The following GNG7 variants were observed in gnomAD, a reference collection of about 807,000 sequenced individuals.
The protein encoded by GNG7 is G protein subunit gamma 7.
GNG7 carries 1 observed loss-of-function variant against 4.0 expected under a neutral mutation model. That is an observed-to-expected ratio of 0.25 (90% CI 0.09 to 1.18). GNG7 has a LOEUF of 1.18. Among genes scored for constraint, GNG7 ranks in the 50% most tolerant of loss-of-function variants. GNG7 has a pLI of 0.50. For synonymous variants in GNG7, 34 were observed against 36.9 expected (o/e 0.92, Z 0.29); for missense variants, 86 against 91.9 (o/e 0.94, Z 0.26).
At chr19:2,639,788 A>G (rs1212473650) in intron 2 of GNG7, among the ~76,000 whole-genome samples, 1 of 1,314 alleles carries the variant, frequency 7.6e-4, no homozygotes, top group Non-Finnish European at 1.3e-3. Flanking sequence ...AAGGGAGGGA[A>G]GGAGAGGGTA....
chr19:2,570,503 C>T (rs1200526984), intron 2 of GNG7, among the ~76,000 whole-genome samples: 1 of 152,154 alleles, frequency 6.6e-6, no homozygotes, highest in African/African-American at 2.4e-5. Flanking sequence ...GAAGTGGCAT[C>T]TGCAAACCTC....
At chr19:2,658,093 C>A (rs1190678662) in intron 1 of GNG7, among the ~76,000 whole-genome samples, 2 of 152,054 alleles carry the variant, frequency 1.3e-5, no homozygotes, top group African/African-American at 2.4e-5. Context: ...GGTAGTGGTC[C>A]CCCGGGCCCA....
chr19:2,659,592 T>TAA (rs879035849), intron 1 of GNG7, among the ~76,000 whole-genome samples: 8 of 43,464 alleles, frequency 1.8e-4, no homozygotes, highest in East Asian at 1.9e-3. Flanking sequence ...GACTCCATCT[T>TAA]AAAAAAAAAA....
At chr19:2,667,367 T>C (rs1465622712) in intron 1 of GNG7, among the ~76,000 whole-genome samples, 1 of 152,072 alleles carries the variant, frequency 6.6e-6, no homozygotes, top group Non-Finnish European at 1.5e-5. Flanking sequence ...GCCCCAAGGT[T>C]TTGTTTCTTT....
chr19:2,585,051 G>GGAAGGAAA (rs1980628360), intron 2 of GNG7, among the ~76,000 whole-genome samples: 2 of 114,944 alleles, frequency 1.7e-5, no homozygotes, highest in Middle Eastern at 5.0e-3. Flanking sequence ...AGGGAGGGAA[G>GGAAGGAAA]GAAGGAAGGA....
intron 2 of GNG7, among the ~76,000 whole-genome samples, chr19:2,603,999 C>T (rs984486951): frequency 3.3e-5 from 5 of 151,898 alleles, no homozygotes; most frequent in South Asian, 2.1e-4. Context: ...TACAGGCGCC[C>T]GCCACCACGC....
chr19:2,681,620 G>A (rs953665589), intron 1 of GNG7, among the ~76,000 whole-genome samples: 5 of 152,070 alleles, frequency 3.3e-5, no homozygotes. Flanking sequence ...CTTCCCTTAG[G>A]TGTACGTCTA....
In GNG7 at chr19:2,528,225, C is replaced by A. The variant is rs1490971018; in HGVS notation, c.-37-7500G>T. 2.1e-5 allele frequency among the ~76,000 whole-genome samples: 3 copies of A among 144,334 alleles called. No individual in the cohort carries two copies. In the Admixed American group the frequency reaches 2.1e-4, roughly 10 times the overall value. 94.7% of individuals were successfully genotyped at this position (144,334 alleles called of 152,430 possible). A position where few individuals can be genotyped will look rare whatever the true frequency, so the allele number is the denominator to read the frequency against. ...GGTGGAGGTTGCAGTGAGCCAAGAT[C>A]GCGCCACTGCACTCCGGCCTGGGTG... On this transcript the variant is annotated intron_variant, in intron 3 of 4. Coordinates refer to ENST00000382159, the MANE Select transcript of GNG7 (RefSeq NM_052847.3).
At chr19:2,667,255 G>A (rs1266160504) in intron 1 of GNG7, among the ~76,000 whole-genome samples, 3 of 152,126 alleles carry the variant, frequency 2.0e-5, no homozygotes, top group Admixed American at 6.5e-5. Flanking sequence ...CCGGGAGGCG[G>A]AGGTTGCAGT....
At chr19:2,684,101 C>T (rs1420628486) in intron 1 of GNG7, among the ~76,000 whole-genome samples, 2 of 150,384 alleles carry the variant, frequency 1.3e-5, no homozygotes, top group African/African-American at 4.9e-5. Context: ...CCAGGTGGCT[C>T]ACTTGAGGTC....
intron 2 of GNG7, among the ~76,000 whole-genome samples, chr19:2,567,319 G>A (rs902147336): frequency 4.9e-5 from 6 of 122,066 alleles, no homozygotes; most frequent in Non-Finnish European, 9.8e-5. Context: ...TTTCTTCTCA[G>A]TTGTCGTCGA....
intron 2 of GNG7, among the ~76,000 whole-genome samples, chr19:2,568,826 A>G (rs1599396654): frequency 6.6e-6 from 1 of 152,020 alleles, no homozygotes; most frequent in African/African-American, 2.4e-5. Flanking sequence ...ATATACACAC[A>G]AATATATACA....
intron 2 of GNG7, among the ~76,000 whole-genome samples, chr19:2,624,942 C>A (rs1432174901): frequency 6.6e-6 from 1 of 152,254 alleles, no homozygotes; most frequent in Non-Finnish European, 1.5e-5. Flanking sequence ...CAGAAGCCAT[C>A]TCCTGGCTGT....
At chr19:2,649,910 C>T (rs906122293) in intron 1 of GNG7, among the ~76,000 whole-genome samples, 5 of 151,838 alleles carry the variant, frequency 3.3e-5, no homozygotes, top group South Asian at 2.1e-4. Context: ...CCTGACTCTG[C>T]GGATGGGTCT....
Position 2,513,692 on chromosome 19 carries a change from G to T in GNG7, c.*1330C>A. On this transcript the variant is annotated 3_prime_UTR_variant, in exon 5 of 5. Coordinates refer to ENST00000382159, the MANE Select transcript of GNG7 (RefSeq NM_052847.3). The stretch of plus-strand genomic sequence containing the variant: ...TTTGAGCGGACGTTTTGATCTCCGG[G>T]ACAACGTCTCACCTCCCAGAGTCCT... 2.6e-6 allele frequency: 1 copy of T among 380,234 alleles called. No homozygotes were observed. Among genetic ancestry groups the T allele is most frequent in the Non-Finnish European group, 3.6e-6 (1 of 277,074 alleles). The allele number at this position is 380,234 out of a possible 1,614,324, so 23.6% of individuals were successfully genotyped here.
chr19:2,612,064 C>T (rs1053836891), intron 2 of GNG7, among the ~76,000 whole-genome samples: 5 of 151,896 alleles, frequency 3.3e-5, no homozygotes, highest in Non-Finnish European at 5.9e-5. Flanking sequence ...TAGTAGAGAC[C>T]GGGTTTCACC....
Position 2,511,933 on chromosome 19 carries a change from C to G in GNG7, c.*3089G>C, listed in dbSNP as rs1972661734. 1 of 986,112 alleles carries G rather than the reference C, an allele frequency of 1.0e-6. No homozygotes were observed. Among genetic ancestry groups the G allele is most frequent in the Non-Finnish European group, 1.2e-6 (1 of 830,162 alleles). 61.1% of individuals were successfully genotyped at this position (986,112 alleles called of 1,614,324 possible). A position where few individuals can be genotyped will look rare whatever the true frequency, so the allele number is the denominator to read the frequency against. Reference sequence around the variant, plus strand: ...GGCGGAGCTGGTCCGGGAAGGTGCCCAGGTGGGTCACAACAGGGTCGGGGC... The same window carrying G: ...GGCGGAGCTGGTCCGGGAAGGTGCCGAGGTGGGTCACAACAGGGTCGGGGC... On this transcript the variant is annotated 3_prime_UTR_variant, in exon 5 of 5. Transcript: ENST00000382159. This position sits in a 1 kb window ranked among gnomAD's most constrained non-coding sequence, Gnocchi z 6.3.
intron 2 of GNG7, among the ~76,000 whole-genome samples, chr19:2,608,508 C>T (rs1981463970): frequency 1.3e-5 from 2 of 152,202 alleles, no homozygotes; most frequent in Admixed American, 6.5e-5. Context: ...GGGCAGCAGG[C>T]TCACGTGTCC....
chr19:2,629,616 A>C (rs1006263747), intron 2 of GNG7, among the ~76,000 whole-genome samples: 1 of 152,196 alleles, frequency 6.6e-6, no homozygotes, highest in African/African-American at 2.4e-5. Context: ...ACAGACTCAC[A>C]GACTAGTGGG....
Sources: allele counts gnomAD v4.1 joint callset (sites outside exome capture counted in the v4.1 genomes callset), GRCh38; gene constraint gnomAD v4.1.1; non-coding constraint Gnocchi (gnomAD v3.1); transcripts MANE v1.5; gene names NCBI Gene and HGNC (gene_info 2026-07-23, HGNC 2026-07-21).